ZNF431: variants seen among roughly 807,000 people sequenced by gnomAD.
ZNF431 encodes zinc finger protein 431.
In ZNF431, 34 loss-of-function variants were observed where a neutral mutation model predicts 57.0. The ratio of observed to expected loss-of-function variants is 0.60; its 90% CI spans 0.45 to 0.79. ZNF431 has a LOEUF of 0.79. Among genes scored for constraint, ZNF431 ranks in the 30% least tolerant of loss-of-function variants. The pLI is 0.00. For missense variants in ZNF431, 607 were observed against 667.1 expected, an observed-to-expected ratio of 0.91 and a Z score of 0.99; for synonymous variants, 207 against 220.3, an observed-to-expected ratio of 0.94 and a Z score of 0.54.
chr19:21,158,779 G>A (rs1240190649), intron 2 of ZNF431, among the ~76,000 whole-genome samples: 2 of 152,054 alleles, frequency 1.3e-5, no homozygotes. Flanking sequence ...AGGATAGTTT[G>A]ACTTCCTCTC....
chr19:21,164,675 G>A (rs562744446), intron 2 of ZNF431, among the ~76,000 whole-genome samples: 140 of 152,158 alleles, frequency 9.2e-4, no homozygotes, highest in African/African-American at 3.2e-3. Flanking sequence ...ACATGTCTCA[G>A]ATCAAGAGCT....
rs1240541217 is a variant in ZNF431, at chr19:21,195,619, TC to T, written c.*11586del. 6.6e-6 allele frequency: 1 copy of T among 152,192 alleles called. No homozygotes were observed. Among genetic ancestry groups the T allele is most frequent in the Non-Finnish European group, 1.5e-5 (1 of 68,026 alleles). The allele number at this position is 152,192 out of a possible 1,614,324, so 9.4% of individuals were successfully genotyped here. ...AAACAATCTTTTTTGCATATTGAAT[TC>T]TGCATTTTTTTCTTCCTTGATACGT... On this transcript the variant is annotated 3_prime_UTR_variant, in exon 5 of 5. Transcript: ENST00000311048.
Position 21,183,586 on chromosome 19 carries a change from A to G in ZNF431, c.1283A>G (p.Tyr428Cys), listed in dbSNP as rs940543993. The change falls in exon 5 of 5, where the codon TAC becomes TGC. Residue 428 changes from tyrosine (Y) to cysteine (C), a missense_variant. Transcript: ENST00000311048. ...HKMIHTGEKP[Y>C]KCEECGKAFN... ...ATGATTCATACTGGAGAGAAACCCTACAAATGTGAAGAATGTGGCAAAGCT... is the reference window on the plus strand; with the variant it reads ...ATGATTCATACTGGAGAGAAACCCTGCAAATGTGAAGAATGTGGCAAAGCT... 9 of 1,613,334 alleles carry G rather than the reference A, an allele frequency of 5.6e-6. 1 individual carries two copies. Among genetic ancestry groups the G allele is most frequent in the Non-Finnish European group, 7.6e-6 (9 of 1,179,984 alleles).
At position 21,194,044 on chromosome 19, in the gene ZNF431, A is replaced by C. The variant is rs1971559486; in HGVS notation, c.*10010A>C. Reference sequence around the variant, plus strand: ...CTAACAAAATGAAAAAATAAATGGCATCCAAATAGGAAAAGAAGAAGTGAA... The same window carrying C: ...CTAACAAAATGAAAAAATAAATGGCCTCCAAATAGGAAAAGAAGAAGTGAA... On this transcript the variant is annotated 3_prime_UTR_variant, in exon 5 of 5. Transcript: ENST00000311048. 1 of 152,236 alleles carries C rather than the reference A, an allele frequency of 6.6e-6. No individual in the cohort carries two copies. The highest frequency in any genetic ancestry group is 1.5e-5 in the Non-Finnish European group (1 of 68,040). The allele number at this position is 152,236 out of a possible 1,614,324, so 9.4% of individuals were successfully genotyped here. A position where few individuals can be genotyped will look rare whatever the true frequency, so the allele number is the denominator to read the frequency against.
chr19:21,177,955 TTCTA>T (rs1339530789), intron 4 of ZNF431, among the ~76,000 whole-genome samples: 2 of 151,928 alleles, frequency 1.3e-5, no homozygotes, highest in Non-Finnish European at 2.9e-5. Context: ...ACAATATTCT[TTCTA>T]TCTTTTTTAT....
intron 4 of ZNF431, chr19:21,169,708 C>A (rs932678065): frequency 2.8e-5 from 11 of 397,934 alleles, no homozygotes; most frequent in Non-Finnish European, 4.4e-5. Context: ...GCAGTTGGCT[C>A]CTTATATAAT....
At chr19:21,162,815 C>A in intron 2 of ZNF431, 1 of 920,704 alleles carries the variant, frequency 1.1e-6, no homozygotes, top group Non-Finnish European at 1.3e-6. Context: ...TGTGTTAAAA[C>A]CAGTGCTTAC....
rs778198584 is a variant in ZNF431, at chr19:21,142,195, G to A, written c.3+9G>A. On this transcript the variant is annotated intron_variant, in intron 1 of 4. Coordinates refer to ENST00000311048, the MANE Select transcript of ZNF431 (RefSeq NM_133473.4). ...CTGAAAGCCTAGAAATGGTGAGAGT[G>A]CCGGGTCGGACATCCCGAGAGAGGG... 5.0e-6 allele frequency: 8 copies of A among 1,613,066 alleles called. No homozygotes were observed. The Admixed American group carries it at 8.3e-5, about 17-fold the overall frequency.
chr19:21,168,470 G>T (rs1001324168), intron 4 of ZNF431, among the ~76,000 whole-genome samples: 1 of 151,796 alleles, frequency 6.6e-6, no homozygotes, highest in Non-Finnish European at 1.5e-5. Context: ...GTGTTCAAGC[G>T]ATTCTCCTGC....
intron 2 of ZNF431, among the ~76,000 whole-genome samples, chr19:21,154,770 GTGA>G (rs1390605445): frequency 2.6e-5 from 4 of 152,226 alleles, no homozygotes; most frequent in African/African-American, 9.6e-5. Flanking sequence ...CTGATGGCCA[GTGA>G]TGATGAGCAT....
intron 3 of ZNF431, 47 bp downstream of exon 3, chr19:21,166,508 C>T (rs7256576): frequency 0.95 from 1,451,114 of 1,531,730 alleles, 688,727 homozygotes; most frequent in Middle Eastern, 0.97. Flanking sequence ...CTAAATGTTT[C>T]ATGTCTCTTT....
In ZNF431 at chr19:21,195,108, T is replaced by G. The variant is rs1203750337; in HGVS notation, c.*11074T>G. Reference sequence around the variant, plus strand: ...CAAAAAGCGTGTAAACAACAGTGATTGCTCCTGTGGCCCTGTGATTCAGCA... The same window carrying G: ...CAAAAAGCGTGTAAACAACAGTGATGGCTCCTGTGGCCCTGTGATTCAGCA... On this transcript the variant is annotated 3_prime_UTR_variant, in exon 5 of 5. Transcript: ENST00000311048. 2 of 150,926 alleles carry G rather than the reference T, an allele frequency of 1.3e-5. No homozygotes were observed. The highest frequency in any genetic ancestry group is 3.0e-5 in the Non-Finnish European group (2 of 67,794). 9.3% of individuals were successfully genotyped at this position (150,926 alleles called of 1,614,324 possible). A position where few individuals can be genotyped will look rare whatever the true frequency, so the allele number is the denominator to read the frequency against.
intron 4 of ZNF431, among the ~76,000 whole-genome samples, chr19:21,169,453 A>G (rs879454157): frequency 3.9e-5 from 6 of 152,136 alleles, no homozygotes; most frequent in Non-Finnish European, 5.9e-5. Flanking sequence ...CTTAGCTTTT[A>G]TAAACAGGTT....
chr19:21,175,058 A>G (rs997010656), intron 4 of ZNF431, among the ~76,000 whole-genome samples: 4 of 151,946 alleles, frequency 2.6e-5, no homozygotes, highest in African/African-American at 9.7e-5. Flanking sequence ...CACCTGGCCA[A>G]TGTATTTATT....
At chr19:21,182,485 G>C in intron 4 of ZNF431, 138 bp from the exon 5 acceptor site, 1 of 967,492 alleles carries the variant, frequency 1.0e-6, no homozygotes, top group Non-Finnish European at 1.5e-6. Context: ...AGATTTATAT[G>C]TCTATGAAGG....
intron 2 of ZNF431, among the ~76,000 whole-genome samples, chr19:21,156,307 C>T (rs934823595): frequency 1.3e-5 from 2 of 152,178 alleles, no homozygotes; most frequent in Admixed American, 6.5e-5. Context: ...CCTGGGCCAC[C>T]ATCTGTAGAA....
chr19:21,195,801 T>C lies in ZNF431; in HGVS notation c.*11767T>C, dbSNP rs557374249. The C allele has an allele frequency of 2.6e-5, 4 of 152,328 alleles. No individual in the cohort carries two copies. The East Asian group carries it at 5.8e-4, about 22-fold the overall frequency. 9.4% of individuals were successfully genotyped at this position (152,328 alleles called of 1,614,324 possible). A position where few individuals can be genotyped will look rare whatever the true frequency, so the allele number is the denominator to read the frequency against. On this transcript the variant is annotated 3_prime_UTR_variant, in exon 5 of 5. Coordinates refer to ENST00000311048, the MANE Select transcript of ZNF431 (RefSeq NM_133473.4). ...AAATATTTTATTGCAGTGTAAAGTT[T>C]AATATTTAGATGTGTGATACATCTT...
At chr19:21,173,880 C>T (rs888273946) in intron 4 of ZNF431, among the ~76,000 whole-genome samples, 1 of 151,904 alleles carries the variant, frequency 6.6e-6, no homozygotes, top group African/African-American at 2.4e-5. Context: ...CTTTTCTTTT[C>T]AAATGGTTTT....
At chr19:21,181,616 T>C (rs971630026) in intron 4 of ZNF431, among the ~76,000 whole-genome samples, 2 of 152,046 alleles carry the variant, frequency 1.3e-5, no homozygotes, top group African/African-American at 4.8e-5. Context: ...TTTGACATTA[T>C]TTTTTCTTTC....
Sources: allele counts gnomAD v4.1 joint callset (sites outside exome capture counted in the v4.1 genomes callset), GRCh38; gene constraint gnomAD v4.1.1; transcripts MANE v1.5; gene names NCBI Gene and HGNC (gene_info 2026-07-23, HGNC 2026-07-21).